SPMIP2: variants seen among roughly 807,000 people sequenced by gnomAD.
SPMIP2 encodes protein SPMIP2.
At chr4:158,955,353 CATCTTT>C in the SPMIP2 span, among the ~76,000 whole-genome samples, 28 of 152,314 alleles carry the variant, frequency 1.8e-4, no homozygotes, top group African/African-American at 5.1e-4. Context: ...TGCTAACCTA[CATCTTT>C]ATCAGTCTTT....
chr4:158,998,534 G>C, the SPMIP2 span, among the ~76,000 whole-genome samples: 1 of 152,122 alleles, frequency 6.6e-6, no homozygotes, highest in East Asian at 1.9e-4. Flanking sequence ...GTGTCAATTT[G>C]GCCCCATATC....
chr4:159,046,125 G>A, the SPMIP2 span, among the ~76,000 whole-genome samples: 2 of 152,010 alleles, frequency 1.3e-5, no homozygotes, highest in African/African-American at 4.8e-5. Flanking sequence ...AGCTACTTGG[G>A]AGGCTGAGGC....
the SPMIP2 span, among the ~76,000 whole-genome samples, chr4:158,898,379 TC>T: frequency 1.6e-4 from 25 of 152,304 alleles, no homozygotes; most frequent in Admixed American, 3.3e-4. Flanking sequence ...GTGAAGAACA[TC>T]CATGGGAGCT....
At chr4:159,053,248 G>A in the SPMIP2 span, among the ~76,000 whole-genome samples, 905 of 152,198 alleles carry the variant, frequency 5.9e-3, 1 homozygote, top group Non-Finnish European at 9.3e-3. Context: ...GAGCCACCGC[G>A]CCCGGCCGAC....
the SPMIP2 span, among the ~76,000 whole-genome samples, chr4:158,960,497 G>C: frequency 5.9e-5 from 9 of 152,078 alleles, no homozygotes; most frequent in Non-Finnish European, 1.2e-4. Flanking sequence ...AAGAAGACAG[G>C]CTTTTGATTC....
chr4:159,066,607 AT>A, the SPMIP2 span, among the ~76,000 whole-genome samples: 2,791 of 146,278 alleles, frequency 0.019, 95 homozygotes, highest in African/African-American at 0.064. Flanking sequence ...ATATATATAT[AT>A]ATATATATAT....
At chr4:158,997,101 T>C in the SPMIP2 span, among the ~76,000 whole-genome samples, 1 of 152,238 alleles carries the variant, frequency 6.6e-6, no homozygotes. Context: ...AACTTTTTAC[T>C]GCTGCTGTGC....
chr4:159,030,129 T>C, the SPMIP2 span, among the ~76,000 whole-genome samples: 2 of 152,138 alleles, frequency 1.3e-5, no homozygotes, highest in Non-Finnish European at 2.9e-5. Context: ...AAGAATAGTG[T>C]TGGCTGGGTG....
At chr4:158,948,268 G>C in the SPMIP2 span, among the ~76,000 whole-genome samples, 1 of 152,188 alleles carries the variant, frequency 6.6e-6, no homozygotes, top group South Asian at 2.1e-4. Flanking sequence ...TGCTTGTCCT[G>C]CTAGATAACA....
At chr4:158,994,706 A>C in the SPMIP2 span, among the ~76,000 whole-genome samples, 1 of 152,200 alleles carries the variant, frequency 6.6e-6, no homozygotes, top group Admixed American at 6.5e-5. Context: ...TGGGCTTGTC[A>C]GGGGAATCAA....
chr4:159,077,741 T>C, the SPMIP2 span, among the ~76,000 whole-genome samples: 1 of 152,198 alleles, frequency 6.6e-6, no homozygotes, highest in Non-Finnish European at 1.5e-5. Context: ...TAAAGCATGA[T>C]ACAAAGAGAT....
the SPMIP2 span, among the ~76,000 whole-genome samples, chr4:158,948,077 T>C: frequency 3.9e-5 from 6 of 152,204 alleles, no homozygotes; most frequent in South Asian, 6.2e-4. Flanking sequence ...CCAATACTTA[T>C]ACTCGATAAA....
chr4:158,956,771 A>G, the SPMIP2 span, among the ~76,000 whole-genome samples: 1 of 151,976 alleles, frequency 6.6e-6, no homozygotes, highest in Non-Finnish European at 1.5e-5. Flanking sequence ...TCTTTTCTCC[A>G]TTTACTTAAA....
the SPMIP2 span, among the ~76,000 whole-genome samples, chr4:159,001,079 T>C: frequency 1.3e-5 from 2 of 152,202 alleles, no homozygotes; most frequent in African/African-American, 4.8e-5. Context: ...AACTTCCAAA[T>C]TGCTTCAACA....
the SPMIP2 span, among the ~76,000 whole-genome samples, chr4:159,047,028 T>C: frequency 6.6e-6 from 1 of 152,210 alleles, no homozygotes; most frequent in East Asian, 1.9e-4. Context: ...TGACCTTTGG[T>C]TGCCTCATTC....
At chr4:159,069,682 C>G in the SPMIP2 span, among the ~76,000 whole-genome samples, 9 of 152,016 alleles carry the variant, frequency 5.9e-5, no homozygotes, top group Non-Finnish European at 1.2e-4. Context: ...AAATCATGAA[C>G]ATACCTTGAT....
the SPMIP2 span, among the ~76,000 whole-genome samples, chr4:158,997,751 C>A: frequency 6.6e-6 from 1 of 152,128 alleles, no homozygotes; most frequent in African/African-American, 2.4e-5. Context: ...CTCCTGGGCC[C>A]AAATAATTCC....
the SPMIP2 span, among the ~76,000 whole-genome samples, chr4:159,014,543 G>A: frequency 1.3e-5 from 2 of 152,020 alleles, no homozygotes; most frequent in Non-Finnish European, 2.9e-5. Context: ...TAAGTTTTAG[G>A]GTACATGTGC....
the SPMIP2 span, among the ~76,000 whole-genome samples, chr4:158,970,894 C>T: frequency 6.6e-6 from 1 of 152,122 alleles, no homozygotes; most frequent in Non-Finnish European, 1.5e-5. Context: ...GAGCGTGCCA[C>T]AGCTGGGGAA....
Sources: allele counts gnomAD v4.1 joint callset (sites outside exome capture counted in the v4.1 genomes callset), GRCh38; gene constraint gnomAD v4.1.1; transcripts MANE v1.5; gene names NCBI Gene and HGNC (gene_info 2026-07-23, HGNC 2026-07-21).